The following MEIOB variants were observed in gnomAD, a reference collection of about 807,000 sequenced individuals.
The protein encoded by MEIOB is meiosis specific with OB-fold.
MEIOB carries 50 observed loss-of-function variants against 53.1 expected under a neutral mutation model. The ratio of observed to expected loss-of-function variants is 0.94; its 90% CI spans 0.75 to 1.19. The LOEUF (loss-of-function observed/expected upper bound fraction) is 1.19, where lower values mean the gene tolerates loss of function less well. MEIOB is among the 50% of genes most tolerant of loss of function. The probability of loss-of-function intolerance (pLI) is 0.00; values close to 1 mark genes in which losing one functional copy is unlikely to be tolerated. For synonymous variants in MEIOB, 192 were observed against 182.5 expected, an observed-to-expected ratio of 1.05 and a Z score of -0.42; for missense variants, 551 against 550.8, an observed-to-expected ratio of 1.00 and a Z score of 0.00.
In MEIOB at chr16:1,846,778, C is replaced by T. The variant is rs182588532; in HGVS notation, c.779-1815G>A. 4.5e-3 allele frequency among the ~76,000 whole-genome samples: 679 copies of T among 151,524 alleles called. 8 individuals carry two copies. The highest frequency in any genetic ancestry group is 0.016 in the African/African-American group (649 of 41,292). ...GATAACATGGACACAGGGAGGGGAA[C>T]AACACACACTGGGGCCTGTTGGGGA... On this transcript the variant is annotated intron_variant, in intron 9 of 13. Transcript: ENST00000325962.
chr16:1,870,611 T>C (rs931182393), intron 1 of MEIOB, among the ~76,000 whole-genome samples: 1 of 152,240 alleles, frequency 6.6e-6, no homozygotes, highest in African/African-American at 2.4e-5. Context: ...AGAAACAGTG[T>C]ATACAAGATG....
At chr16:1,851,865 G>A (rs183772073) in intron 9 of MEIOB, among the ~76,000 whole-genome samples, 1 of 152,278 alleles carries the variant, frequency 6.6e-6, no homozygotes, top group East Asian at 1.9e-4. Flanking sequence ...TCATGAGATG[G>A]CAAAGGATTG....
chr16:1,842,336 T>C (rs758178702), intron 10 of MEIOB, among the ~76,000 whole-genome samples: 94 of 151,410 alleles, frequency 6.2e-4, no homozygotes, highest in Non-Finnish European at 1.1e-3. Flanking sequence ...GTGACTCAGC[T>C]GGGCACAGTG....
rs142112785 is a variant in MEIOB, at chr16:1,863,409, G to A, written c.128-1293C>T. 7.0e-3 allele frequency among the ~76,000 whole-genome samples: 1,049 copies of A among 150,350 alleles called. 2 individuals carry two copies. The highest frequency in any genetic ancestry group is 0.011 in the Non-Finnish European group (753 of 67,656). Reference sequence around the variant, plus strand: ...TTTCGTTTTTGTTTGTTTTTGAGACGGAGTTTCGCTCTTGTTACCCAGGCT... The same window carrying A: ...TTTCGTTTTTGTTTGTTTTTGAGACAGAGTTTCGCTCTTGTTACCCAGGCT... On this transcript the variant is annotated intron_variant, in intron 3 of 13. Coordinates refer to ENST00000325962, the MANE Select transcript of MEIOB (RefSeq NM_001163560.3).
chr16:1,871,304 C>T (rs1381093560), intron 1 of MEIOB, among the ~76,000 whole-genome samples: 3 of 144,814 alleles, frequency 2.1e-5, no homozygotes, highest in Non-Finnish European at 4.5e-5. Flanking sequence ...ACTACAAGCT[C>T]CGCCTCCCGG....
At position 1,839,366 on chromosome 16, in the gene MEIOB, A is replaced by G. The variant is rs145222212; in HGVS notation, c.1107T>C (p.Phe369=). The G allele has an allele frequency of 1.2e-5, 20 of 1,614,116 alleles. No individual in the cohort carries two copies. The highest frequency in any genetic ancestry group is 1.7e-5 in the Non-Finnish European group (20 of 1,180,042). ...CTTCNKNSLD[F]KSVFLSFHVL... ...CATGGAAACTGAGAAAGACAGATTT[A>G]AAGTCCAAGGAGTTTTTGTTGCAAG... is the stretch of plus-strand genomic sequence containing the variant. The change falls in exon 12 of 14, where the codon TTT becomes TTC. Residue 369 remains phenylalanine (F), a synonymous_variant. Transcript: ENST00000325962.
In MEIOB at chr16:1,857,720, G is replaced by A. The variant is rs772129671; in HGVS notation, c.528+15C>T. 102 of 1,548,674 alleles carry A rather than the reference G, an allele frequency of 6.6e-5. 1 individual carries two copies. Among genetic ancestry groups the A allele is most frequent in the Non-Finnish European group, 8.4e-5 (96 of 1,145,602 alleles). ...CTGCCAGATTGCACTTGGCTTTGTC[G>A]GGGTTTTAACTTACCGATTTCACAG... On this transcript the variant is annotated intron_variant, in intron 6 of 13. Transcript: ENST00000325962.
chr16:1,864,766 G>T (rs1483956117), intron 3 of MEIOB, among the ~76,000 whole-genome samples: 1 of 151,978 alleles, frequency 6.6e-6, no homozygotes, highest in South Asian at 2.1e-4. Context: ...GGGATTACAG[G>T]CGTGACCACT....
In MEIOB at chr16:1,854,175, G is replaced by A. The variant is rs1314503188; in HGVS notation, c.554C>T (p.Thr185Ile). ...KSVGEPKYFT[T>I]SDRRKGQRCE... ...CCTCTGGCCTTTTCTCCGGTCTGAA[G>A]TTGTAAAGTATTTTGGCTCTCCAAC... Residue 185 changes from threonine to isoleucine, a missense_variant, in exon 7 of 14, where the codon ACT becomes ATT. Thr to Ile is a moderately conservative substitution (Grantham distance 89). Transcript: ENST00000325962. 4 of 1,549,606 alleles carry A rather than the reference G, an allele frequency of 2.6e-6. No homozygotes were observed. Among genetic ancestry groups the A allele is most frequent in the East Asian group, 2.4e-5 (1 of 40,868 alleles).
intron 2 of MEIOB, among the ~76,000 whole-genome samples, chr16:1,867,757 C>A (rs1483790201): frequency 6.6e-6 from 1 of 152,100 alleles, no homozygotes; most frequent in African/African-American, 2.4e-5. Flanking sequence ...CAGACATGAG[C>A]CACTGTGCCT....
rs1159227445 is a variant in MEIOB at position 1,839,289 on chromosome 16, G to A, written c.1184C>T (p.Thr395Ile). 6 of 1,613,580 alleles carry A rather than the reference G, an allele frequency of 3.7e-6. No individual in the cohort carries two copies. Among genetic ancestry groups the A allele is most frequent in the Non-Finnish European group, 4.2e-6 (5 of 1,179,840 alleles). Residue 395 changes from threonine to isoleucine, a missense_variant, in exon 12 of 14, where the codon ACA (threonine) becomes ATA (isoleucine). Transcript: ENST00000325962. ...CAAAGTCTCCTCAGCAACACTTCCT[G>A]TGAGACTACAGGAATGAAGGGTGCC... ...HTGTLHSCSL[T>I]GSVAEETLGC...
chr16:1,860,782 T>C (rs574780026), intron 4 of MEIOB, among the ~76,000 whole-genome samples: 17 of 152,172 alleles, frequency 1.1e-4, no homozygotes, highest in South Asian at 2.1e-4. Flanking sequence ...AATGACCCTA[T>C]TATTCAACTA....
At chr16:1,858,466 A>T (rs1596979792) in intron 5 of MEIOB, among the ~76,000 whole-genome samples, 1 of 151,582 alleles carries the variant, frequency 6.6e-6, no homozygotes, top group Non-Finnish European at 1.5e-5. Context: ...ACCCAGCCCC[A>T]CCTCCTCCCC....
intron 11 of MEIOB, 30 bp from the exon 12 acceptor site, chr16:1,839,468 G>A (rs374156977): frequency 1.9e-6 from 3 of 1,572,388 alleles, no homozygotes; most frequent in East Asian, 2.2e-5. Flanking sequence ...ATGATAAAAT[G>A]TGATGCCCTA....
chr16:1,856,824 C>A (rs941363881), intron 6 of MEIOB, among the ~76,000 whole-genome samples: 2 of 137,652 alleles, frequency 1.5e-5, no homozygotes, highest in Non-Finnish European at 3.0e-5. Flanking sequence ...AGTGCAGTGG[C>A]ATGATTTTGG....
intron 6 of MEIOB, among the ~76,000 whole-genome samples, chr16:1,856,161 A>ATTT (rs71145499): frequency 7.0e-6 from 1 of 143,374 alleles, no homozygotes; most frequent in Non-Finnish European, 1.5e-5. Context: ...TGCCCAGCTA[A>ATTT]TTTTTTTTTT....
chr16:1,872,149 G>A lies in MEIOB; in HGVS notation c.-166C>T, dbSNP rs914646577. On this transcript the variant is annotated 5_prime_UTR_variant, in exon 1 of 14. It adds an upstream start codon to the 5' untranslated region. Coordinates refer to ENST00000325962, the MANE Select transcript of MEIOB (RefSeq NM_001163560.3). ...GTGCAGGTGCGACGGCCGCGCGACC[G>A]TTAGCGCGAGGCCCCGCCCCGTCCT... 6.6e-5 allele frequency: 10 copies of A among 151,980 alleles called. No homozygotes were observed. The highest frequency in any genetic ancestry group is 1.5e-5 in the Non-Finnish European group (1 of 68,060). The allele number at this position is 151,980 out of a possible 1,614,324, so 9.4% of individuals were successfully genotyped here. A position where few individuals can be genotyped will look rare whatever the true frequency, so the allele number is the denominator to read the frequency against.
At chr16:1,843,052 T>G (rs1220376777) in intron 10 of MEIOB, among the ~76,000 whole-genome samples, 1 of 149,080 alleles carries the variant, frequency 6.7e-6, no homozygotes, top group Non-Finnish European at 1.5e-5. Flanking sequence ...CCTAGCACTT[T>G]GGGAAGCCGA....
In MEIOB at chr16:1,841,920, T is replaced by C. The variant is rs1310247251; in HGVS notation, c.934A>G (p.Lys312Glu). ...GAAGGATCAGCTTTTCCTTCATTCTTCAAAGCTTTTCCCTTTAATTGTTCA... is the reference window on the plus strand; with the variant it reads ...GAAGGATCAGCTTTTCCTTCATTCTCCAAAGCTTTTCCCTTTAATTGTTCA... ...TVEQLKGKAL[K>E]NEGKADPSYG... The change falls in exon 11 of 14, where the codon AAG becomes GAG. Residue 312 changes from lysine (K) to glutamate (E), a missense_variant. Physicochemically the swap from Lys to Glu is moderately conservative, Grantham distance 56. Transcript: ENST00000325962. 1.2e-6 allele frequency: 2 copies of C among 1,608,470 alleles called. No homozygotes were observed. The highest frequency in any genetic ancestry group is 2.7e-5 in the African/African-American group (2 of 74,798).
Sources: gnomAD v4.1 joint callset for allele counts (sites outside exome capture counted in the v4.1 genomes callset) on GRCh38, gnomAD v4.1.1 for gene constraint, MANE v1.5 for transcripts, NCBI Gene and HGNC (gene_info 2026-07-23, HGNC 2026-07-21) for gene names.